NCK2: variants seen among roughly 807,000 people sequenced by gnomAD.
NCK2 encodes the protein NCK adaptor protein 2.
In NCK2, 16 loss-of-function variants were observed where a neutral mutation model predicts 33.9. The observed-to-expected ratio is 0.47, with a 90% CI of 0.32 to 0.72. The LOEUF is 0.72. Ranked by LOEUF, NCK2 falls within the 30% of genes least tolerant of loss-of-function variation. The pLI, the probability that NCK2 is intolerant of heterozygous loss-of-function variation, is 0.03. For synonymous variants in NCK2, 273 were observed against 239.9 expected (o/e 1.14, Z -1.27); for missense variants, 418 against 537.3 (o/e 0.78, Z 2.19).
At chr2:105,871,466 G>A (rs777638812) in intron 3 of NCK2, among the ~76,000 whole-genome samples, 1 of 151,932 alleles carries the variant, frequency 6.6e-6, no homozygotes, top group Non-Finnish European at 1.5e-5. Flanking sequence ...ATGGGGATTT[G>A]CTAAGCTTTT....
chr2:105,761,431 G>A (rs950281468), intron 1 of NCK2, among the ~76,000 whole-genome samples: 2 of 152,158 alleles, frequency 1.3e-5, no homozygotes, highest in African/African-American at 4.8e-5. Flanking sequence ...CTAGTGATGG[G>A]ACGATTCCAG....
chr2:105,881,377 G>T lies in NCK2; in HGVS notation c.276G>T (p.Thr92=). The change falls in exon 4 of 5, where the codon ACG becomes ACT. Residue 92 remains threonine (T), a synonymous_variant. Transcript: ENST00000233154. The stretch of plus-strand genomic sequence containing the variant: ...CCAGCGCGCGGGATGCGTCCCCCAC[G>T]CCCAGCACGGACGCCGAGTACCCCG... ...RKTSARDASP[T]PSTDAEYPAN... is the part of the protein sequence containing the mutation. 1 of 1,609,876 alleles carries T rather than the reference G, an allele frequency of 6.2e-7. No homozygotes were observed. Among genetic ancestry groups the T allele is most frequent in the Non-Finnish European group, 8.5e-7 (1 of 1,179,734 alleles).
intron 3 of NCK2, among the ~76,000 whole-genome samples, chr2:105,876,864 TAG>T (rs999558272): frequency 6.6e-6 from 1 of 152,070 alleles, no homozygotes; most frequent in East Asian, 1.9e-4. Context: ...GCCTTCGAAT[TAG>T]AGAGAGGCAG....
At chr2:105,808,864 TG>T (rs1675186808) in intron 1 of NCK2, among the ~76,000 whole-genome samples, 1 of 152,192 alleles carries the variant, frequency 6.6e-6, no homozygotes, top group African/African-American at 2.4e-5. Flanking sequence ...GATCTGTTGG[TG>T]ATAAGCACTG....
At chr2:105,867,604 G>T (rs1267591878) in intron 3 of NCK2, among the ~76,000 whole-genome samples, 2 of 152,080 alleles carry the variant, frequency 1.3e-5, no homozygotes, top group Non-Finnish European at 2.9e-5. Flanking sequence ...TGAAGGTGGG[G>T]TCCGTACCCT....
intron 3 of NCK2, among the ~76,000 whole-genome samples, chr2:105,862,295 A>G (rs3769502): frequency 0.61 from 92,878 of 151,972 alleles, 29,319 homozygotes; most frequent in South Asian, 0.79. Flanking sequence ...TACTTAGATC[A>G]AAAGACCCAG....
At chr2:105,881,203 G>T (rs2104659045) in intron 3 of NCK2, 125 bp from the exon 4 acceptor site, 1 of 1,310,798 alleles carries the variant, frequency 7.6e-7, no homozygotes, top group Non-Finnish European at 1.0e-6. Flanking sequence ...CAGTTTGTAA[G>T]CACTGTCCAT....
chr2:105,771,220 C>T (rs1469855482), intron 1 of NCK2, among the ~76,000 whole-genome samples: 1 of 151,942 alleles, frequency 6.6e-6, no homozygotes, highest in Non-Finnish European at 1.5e-5. Context: ...CCGCGCCCCG[C>T]CCAATATCAC....
At chr2:105,761,143 C>T (rs1689752313) in intron 1 of NCK2, among the ~76,000 whole-genome samples, 1 of 152,212 alleles carries the variant, frequency 6.6e-6, no homozygotes, top group Non-Finnish European at 1.5e-5. Flanking sequence ...CCTGCCCGCC[C>T]ACCCTACTGG....
chr2:105,794,871 G>T (rs779251709), intron 1 of NCK2, among the ~76,000 whole-genome samples: 9 of 152,002 alleles, frequency 5.9e-5, no homozygotes, highest in Non-Finnish European at 1.3e-4. Context: ...GCATGGTTCC[G>T]CAGCCAAAGA....
At chr2:105,844,148 C>T (rs142826005) in intron 2 of NCK2, among the ~76,000 whole-genome samples, 61 of 152,178 alleles carry the variant, frequency 4.0e-4, no homozygotes, top group South Asian at 1.5e-3. Context: ...CAAATCCTAA[C>T]GGGTGGGGGG....
chr2:105,835,393 A>ATATATATATGTGTG (rs1553458582), intron 2 of NCK2, among the ~76,000 whole-genome samples: 5 of 51,674 alleles, frequency 9.7e-5, no homozygotes, highest in Admixed American at 3.0e-4. Flanking sequence ...ATACACATAT[A>ATATATATATGTGTG]TATATATATA....
At chr2:105,793,902 C>T (rs144546963) in intron 1 of NCK2, among the ~76,000 whole-genome samples, 2,854 of 152,254 alleles carry the variant, frequency 0.019, 50 homozygotes, top group Non-Finnish European at 0.022. Flanking sequence ...TGGGTTGCTT[C>T]TGGTTTGGTC....
chr2:105,805,521 A>G (rs1158811777), intron 1 of NCK2, among the ~76,000 whole-genome samples: 1 of 152,216 alleles, frequency 6.6e-6, no homozygotes, highest in East Asian at 1.9e-4. Flanking sequence ...ATTTATTTTT[A>G]AAATTAAACA....
chr2:105,859,584 A>G (rs370105583), intron 3 of NCK2, among the ~76,000 whole-genome samples: 18 of 152,224 alleles, frequency 1.2e-4, no homozygotes, highest in African/African-American at 2.4e-4. Context: ...CTAACTGTGA[A>G]ACAGCCTTTG....
At chr2:105,779,791 C>G (rs1690428526) in intron 1 of NCK2, among the ~76,000 whole-genome samples, 1 of 152,068 alleles carries the variant, frequency 6.6e-6, no homozygotes, top group Non-Finnish European at 1.5e-5. Context: ...AATTCCCTAG[C>G]AGAAATGTAG....
At chr2:105,795,823 C>G (rs1032501767) in intron 1 of NCK2, among the ~76,000 whole-genome samples, 1 of 152,198 alleles carries the variant, frequency 6.6e-6, no homozygotes, top group African/African-American at 2.4e-5. Context: ...TCTCCCTCCT[C>G]CCTAACTTCC....
At chr2:105,822,298 A>G (rs901992536) in intron 2 of NCK2, among the ~76,000 whole-genome samples, 2 of 152,034 alleles carry the variant, frequency 1.3e-5, no homozygotes, top group Non-Finnish European at 2.9e-5. Flanking sequence ...GGATCAGCTT[A>G]ACAGCTCCTG....
chr2:105,783,177 A>G (rs530736728), intron 1 of NCK2, among the ~76,000 whole-genome samples: 5 of 152,356 alleles, frequency 3.3e-5, no homozygotes, highest in Non-Finnish European at 7.3e-5. Context: ...GCAGCTGAGG[A>G]AGCCAATTTA....
Sources: gnomAD v4.1 joint callset for allele counts (sites outside exome capture counted in the v4.1 genomes callset) on GRCh38, gnomAD v4.1.1 for gene constraint, MANE v1.5 for transcripts, NCBI Gene and HGNC (gene_info 2026-07-23, HGNC 2026-07-21) for gene names.